DIP2C: variants seen among roughly 807,000 people sequenced by gnomAD.
The protein encoded by DIP2C is disco-interacting protein 2 homolog C.
DIP2C carries 33 observed loss-of-function variants against 192.4 expected under a neutral mutation model. The ratio of observed to expected loss-of-function variants is 0.17; its 90% CI spans 0.13 to 0.23. The LOEUF is 0.23. DIP2C is among the 10% of genes least tolerant of loss of function. The pLI, the probability that DIP2C is intolerant of heterozygous loss-of-function variation, is 1.00. For missense variants in DIP2C, 1,537 were observed against 2,110.1 expected (o/e 0.73, Z 5.32); for synonymous variants, 979 against 864.1 (o/e 1.13, Z -2.33).
At chr10:658,873 G>A (rs1051056160) in intron 1 of DIP2C, among the ~76,000 whole-genome samples, 7 of 152,118 alleles carry the variant, frequency 4.6e-5, no homozygotes, top group Non-Finnish European at 1.0e-4. Context: ...GACAGCGGAG[G>A]ATCCCATGCA....
intron 1 of DIP2C, among the ~76,000 whole-genome samples, chr10:615,403 T>C (rs1328733107): frequency 2.0e-5 from 3 of 152,016 alleles, no homozygotes; most frequent in Admixed American, 1.3e-4. Flanking sequence ...GAGACACAGG[T>C]GACTATGAGG....
rs1454442147 is a variant in DIP2C at position 429,249 on chromosome 10, T to C, written c.395-6216A>G. ...GCCTCCCCCCCGGACCCTGGCTGCCTCCCCCCCGGACCCTGGCTGCCTCCC... is the reference window on the plus strand; with the variant it reads ...GCCTCCCCCCCGGACCCTGGCTGCCCCCCCCCCGGACCCTGGCTGCCTCCC... On this transcript the variant is annotated intron_variant, in intron 4 of 36. Transcript: ENST00000280886. Among the ~76,000 whole-genome samples, 24 of 5,122 alleles carry C rather than the reference T, an allele frequency of 4.7e-3. 3 individuals carry two copies. Among genetic ancestry groups the C allele is most frequent in the African/African-American group, 0.027 (11 of 404 alleles). The allele number at this position is 5,122 out of a possible 152,430, so 3.4% of individuals were successfully genotyped here.
At chr10:531,874 T>G (rs1046296410) in intron 1 of DIP2C, among the ~76,000 whole-genome samples, 2 of 152,228 alleles carry the variant, frequency 1.3e-5, no homozygotes, top group African/African-American at 4.8e-5. Context: ...ACGCGGCAGC[T>G]TCCAGCTCCA....
chr10:341,172 A>G (rs1958127541), intron 29 of DIP2C, 27 bp downstream of exon 29: 5 of 1,613,550 alleles, frequency 3.1e-6, no homozygotes, highest in Middle Eastern at 1.7e-4. Context: ...ATTTTTTTTA[A>G]TGTAAAGATA....
intron 1 of DIP2C, chr10:665,558 C>G (rs1857038064): frequency 6.6e-6 from 1 of 152,174 alleles, no homozygotes; most frequent in Admixed American, 6.5e-5. Flanking sequence ...AAAGCACACA[C>G]AGTTGGTTGG....
chr10:609,496 C>CA (rs1442315546), intron 1 of DIP2C, among the ~76,000 whole-genome samples: 1 of 152,196 alleles, frequency 6.6e-6, no homozygotes, highest in African/African-American at 2.4e-5. Context: ...TCAGCATCCA[C>CA]AGCTCATCTT....
At chr10:509,650 C>T (rs1845877095) in intron 1 of DIP2C, among the ~76,000 whole-genome samples, 2 of 152,190 alleles carry the variant, frequency 1.3e-5, no homozygotes, top group African/African-American at 4.8e-5. Context: ...GGGTGCTCGT[C>T]CAGACGAGAG....
chr10:334,571 A>G (rs1465860113), intron 29 of DIP2C, among the ~76,000 whole-genome samples: 1 of 152,184 alleles, frequency 6.6e-6, no homozygotes, highest in East Asian at 1.9e-4. Flanking sequence ...TTGCTCTTAC[A>G]TTAAGATCTA....
intron 1 of DIP2C, among the ~76,000 whole-genome samples, chr10:547,912 G>A (rs983127543): frequency 2.0e-5 from 3 of 152,144 alleles, no homozygotes; most frequent in African/African-American, 4.8e-5. Context: ...GCTGCTGATG[G>A]CTTGGGTCAC....
intron 1 of DIP2C, among the ~76,000 whole-genome samples, chr10:568,893 C>A (rs1849612076): frequency 7.0e-6 from 1 of 142,548 alleles, no homozygotes; most frequent in African/African-American, 2.6e-5. Context: ...TCAAGAGTAA[C>A]AAAATCAAAA....
At chr10:540,468 C>G (rs1326836209) in intron 1 of DIP2C, among the ~76,000 whole-genome samples, 1 of 152,190 alleles carries the variant, frequency 6.6e-6, no homozygotes, top group Non-Finnish European at 1.5e-5. Flanking sequence ...AACACTTCCT[C>G]AAATCTCAAG....
chr10:670,270 A>C (rs1461157276), intron 1 of DIP2C, among the ~76,000 whole-genome samples: 1 of 142,388 alleles, frequency 7.0e-6, no homozygotes, highest in Admixed American at 6.8e-5. Flanking sequence ...ACATACACGC[A>C]TGCATATACA....
rs771254606 is a variant in DIP2C, at chr10:329,483, C to T, written c.3703G>A (p.Val1235Met). 5.5e-5 allele frequency: 89 copies of T among 1,614,196 alleles called. 2 individuals carry two copies. Among genetic ancestry groups the T allele is most frequent in the South Asian group, 5.4e-4 (49 of 91,086 alleles). ...AGCCCCTTGGTGCACAGCTCCATCA[C>T]GGAGTAGGAGCAAAACGTGTCTCGG... ...KVRDTFCSYS[V>M]MELCTKGLGS... The change falls in exon 30 of 37, where the codon GTG becomes ATG. Residue 1235 changes from valine (V) to methionine (M), a missense_variant. Coordinates refer to ENST00000280886, the MANE Select transcript of DIP2C (RefSeq NM_014974.3).
intron 2 of DIP2C, chr10:485,063 G>T: frequency 7.5e-7 from 1 of 1,333,376 alleles, no homozygotes. Flanking sequence ...CCACCAAGGG[G>T]ACCACAGGGC....
intron 4 of DIP2C, among the ~76,000 whole-genome samples, chr10:431,063 T>A (rs972751888): frequency 3.3e-5 from 5 of 152,244 alleles, no homozygotes; most frequent in African/African-American, 1.2e-4. Context: ...GTCCCATTGA[T>A]CCTTTTGTTT....
In DIP2C at chr10:506,792, C is replaced by T. The variant is rs1845619486; in HGVS notation, c.86-20262G>A. ...AGCCACGCAACGTTCCCACCTCACA[C>T]CCAGGAAACGAGCCCCTCACTGAAG... is the stretch of plus-strand genomic sequence containing the variant. On this transcript the variant is annotated intron_variant, in intron 1 of 36. Coordinates refer to ENST00000280886, the MANE Select transcript of DIP2C (RefSeq NM_014974.3). Among the ~76,000 whole-genome samples the T allele has an allele frequency of 2.6e-5, 4 of 152,238 alleles. No individual in the cohort carries two copies. In the South Asian group the frequency reaches 8.3e-4, roughly 32 times the overall value.
At chr10:431,782 AGTG>A (rs569661350) in intron 4 of DIP2C, among the ~76,000 whole-genome samples, 11 of 152,252 alleles carry the variant, frequency 7.2e-5, no homozygotes, top group Non-Finnish European at 1.3e-4. Context: ...GTTGAAAAGA[AGTG>A]GTGAGAGGAG....
At position 511,871 on chromosome 10, in the gene DIP2C, T is replaced by C. The variant is rs189474639; in HGVS notation, c.86-25341A>G. On this transcript the variant is annotated intron_variant, in intron 1 of 36. Transcript: ENST00000280886. ...GAACAAAGTGAGCCTGGCTTTAACC[T>C]GTGTGACACGATAACACCGTGTATA... is the stretch of plus-strand genomic sequence containing the variant. 2.3e-3 allele frequency among the ~76,000 whole-genome samples: 349 copies of C among 152,386 alleles called. 2 individuals carry two copies. The highest frequency in any genetic ancestry group is 4.1e-3 in the Non-Finnish European group (281 of 68,034).
chr10:556,120 A>G (rs1351662105), intron 1 of DIP2C, among the ~76,000 whole-genome samples: 1 of 44,054 alleles, frequency 2.3e-5, no homozygotes, highest in Non-Finnish European at 4.5e-5. Context: ...CCGGACAGCA[A>G]CCACCCACCC....
Sources: allele counts gnomAD v4.1 joint callset (sites outside exome capture counted in the v4.1 genomes callset), GRCh38; gene constraint gnomAD v4.1.1; transcripts MANE v1.5; gene names NCBI Gene and HGNC (gene_info 2026-07-23, HGNC 2026-07-21).